Variants in KIAA0825 observed in about 807,000 individuals in gnomAD.
KIAA0825 encodes the protein uncharacterized protein KIAA0825.
KIAA0825 carries 119 observed loss-of-function variants against 147.6 expected under a neutral mutation model. The observed-to-expected ratio is 0.81, with a 90% confidence interval of 0.69 to 0.94. The LOEUF is 0.94. KIAA0825 is among the 40% of genes least tolerant of loss of function. The pLI, the probability that KIAA0825 is intolerant of heterozygous loss-of-function variation, is 0.00. For missense variants in KIAA0825, 1,381 were observed against 1,472.7 expected (o/e 0.94, Z 1.02); for synonymous variants, 470 against 518.1 (o/e 0.91, Z 1.26).
At chr5:94,253,172 A>T (rs2150123862) in intron 20 of KIAA0825, among the ~76,000 whole-genome samples, 1 of 152,264 alleles carries the variant, frequency 6.6e-6, no homozygotes, top group South Asian at 2.1e-4. Context: ...ATATAACTTT[A>T]TTCATTATTG....
At chr5:94,304,849 C>A (rs191455325) in intron 20 of KIAA0825, among the ~76,000 whole-genome samples, 1 of 152,100 alleles carries the variant, frequency 6.6e-6, no homozygotes, top group East Asian at 1.9e-4. Flanking sequence ...AAATATGGTT[C>A]ATAAACTCCT....
intron 2 of KIAA0825, among the ~76,000 whole-genome samples, chr5:94,561,073 G>A (rs912382380): frequency 6.6e-6 from 1 of 152,192 alleles, no homozygotes; most frequent in Non-Finnish European, 1.5e-5. Flanking sequence ...TTAACTTTCA[G>A]CTCCACTCCC....
intron 20 of KIAA0825, among the ~76,000 whole-genome samples, chr5:94,229,566 C>T (rs1343331384): frequency 7.1e-6 from 1 of 140,532 alleles, no homozygotes; most frequent in African/African-American, 2.6e-5. Context: ...TTTCTGTTCT[C>T]TTTTTTTTTG....
chr5:94,252,455 GTA>G (rs551298829), intron 20 of KIAA0825, among the ~76,000 whole-genome samples: 1 of 149,138 alleles, frequency 6.7e-6, no homozygotes, highest in African/African-American at 2.4e-5. Flanking sequence ...GTGTGGGTGT[GTA>G]TATATATATA....
chr5:94,338,847 C>T (rs2150319921), intron 20 of KIAA0825, among the ~76,000 whole-genome samples: 1 of 152,070 alleles, frequency 6.6e-6, no homozygotes, highest in African/African-American at 2.4e-5. Context: ...ATTTAAAAAT[C>T]CAATAGATTT....
chr5:94,556,056 CT>C (rs35657531), intron 2 of KIAA0825, among the ~76,000 whole-genome samples: 18,154 of 144,236 alleles, frequency 0.13, 1,376 homozygotes, highest in East Asian at 0.32. Flanking sequence ...ACATCAATTA[CT>C]TTTTTTTTTT....
chr5:94,520,666 A>G lies in KIAA0825; in HGVS notation c.552T>C (p.Asn184=), dbSNP rs1398289737. The part of the protein sequence containing the change: ...SKLQSHNEIN[N]SQQKILLKKQ... Reference sequence around the variant, plus strand: ...TTTTCAATAAAATTTTTTGCTGTGAATTGTTTATTTCATTATGGCTTTGTA... The same window carrying G: ...TTTTCAATAAAATTTTTTGCTGTGAGTTGTTTATTTCATTATGGCTTTGTA... Residue 184 remains asparagine, a synonymous_variant, in exon 5 of 21, where the codon AAT becomes AAC. Transcript: ENST00000682413. The G allele has an allele frequency of 1.2e-6, 2 of 1,613,258 alleles. No individual in the cohort carries two copies. The highest frequency in any genetic ancestry group is 2.2e-5 in the East Asian group (1 of 44,876).
At chr5:94,542,663 C>T (rs1467274912) in intron 2 of KIAA0825, among the ~76,000 whole-genome samples, 3 of 151,764 alleles carry the variant, frequency 2.0e-5, no homozygotes, top group Non-Finnish European at 2.9e-5. Context: ...AAAAATTAGC[C>T]GAGCATGATG....
At position 94,484,769 on chromosome 5, in the gene KIAA0825, C is replaced by G. The variant is rs980089697; in HGVS notation, c.1132G>C (p.Gly378Arg). The G allele has an allele frequency of 1.4e-6, 2 of 1,469,216 alleles. No individual in the cohort carries two copies. The highest frequency in any genetic ancestry group is 1.8e-6 in the Non-Finnish European group (2 of 1,094,518). The allele number at this position is 1,469,216 out of a possible 1,614,324, so 91.0% of individuals were successfully genotyped here. A position where few individuals can be genotyped will look rare whatever the true frequency, so the allele number is the denominator to read the frequency against. ...AAATTTAAACAAAAGAGGATATTAC[C>G]TGAAGTATCCCTGGTTATCTTGAGT... is the stretch of plus-strand genomic sequence containing the variant. ...LSLKITRDTS[G>R]ILEKSDREVV... is the part of the protein sequence containing the mutation. Residue 378 changes from glycine to arginine, a missense_variant and splice_region_variant, in exon 6 of 21, where the codon GGA becomes CGA. By Grantham distance (125) the Gly-to-Arg change is moderately radical (BLOSUM62 -2). Transcript: ENST00000682413.
intron 2 of KIAA0825, among the ~76,000 whole-genome samples, chr5:94,565,009 CCTCT>C (rs147820367): frequency 0.079 from 9,199 of 116,688 alleles, 416 homozygotes; most frequent in Non-Finnish European, 0.095. Context: ...TCTCTCTCTC[CCTCT>C]CTCTCTCTCT....
intron 1 of KIAA0825, among the ~76,000 whole-genome samples, chr5:94,585,903 T>C (rs955659962): frequency 6.6e-6 from 1 of 151,898 alleles, no homozygotes; most frequent in South Asian, 2.1e-4. Context: ...AAACCACAAA[T>C]CTACATGGAA....
chr5:94,589,022 G>A lies in KIAA0825; in HGVS notation c.-152-6439C>T, dbSNP rs147695499. ...ACATCACACACTGGGGCCTGTTGGC[G>A]GGTGGAGGGCTGGGGGAGGGATAGA... On this transcript the variant is annotated intron_variant, in intron 1 of 20. Transcript: ENST00000682413. Among the ~76,000 whole-genome samples, 6 of 152,272 alleles carry A rather than the reference G, an allele frequency of 3.9e-5. No homozygotes were observed. The South Asian group carries it at 6.2e-4, about 16-fold the overall frequency.
At chr5:94,535,535 T>C (rs1189482012) in intron 3 of KIAA0825, among the ~76,000 whole-genome samples, 1 of 146,844 alleles carries the variant, frequency 6.8e-6, no homozygotes, top group African/African-American at 2.5e-5. Flanking sequence ...TAATCATAAG[T>C]ACTTTTTCAT....
Position 94,470,054 on chromosome 5 carries a change from A to T in KIAA0825, c.1779T>A (p.Phe593Leu). ...RYQEFINTLQFQVTNYCVRVC... is the reference protein window; with the variant it reads ...RYQEFINTLQLQVTNYCVRVC... ...CTCTGACGCAGTAGTTCGTAACCTGAAACTGTAGAGTGTTGATGAATTCCT... is the reference window on the plus strand; with the variant it reads ...CTCTGACGCAGTAGTTCGTAACCTGTAACTGTAGAGTGTTGATGAATTCCT... Residue 593 changes from phenylalanine (F) to leucine (L), a missense_variant, in exon 10 of 21, where the codon TTT (phenylalanine) becomes TTA (leucine). Coordinates refer to ENST00000682413, the MANE Select transcript of KIAA0825 (RefSeq NM_001145678.3). The T allele has an allele frequency of 1.3e-6, 2 of 1,551,674 alleles. No homozygotes were observed. Among genetic ancestry groups the T allele is most frequent in the Non-Finnish European group, 1.7e-6 (2 of 1,146,960 alleles).
At chr5:94,588,316 A>T (rs1289060830) in intron 1 of KIAA0825, among the ~76,000 whole-genome samples, 1 of 152,202 alleles carries the variant, frequency 6.6e-6, no homozygotes, top group African/African-American at 2.4e-5. Context: ...TAATATCCAG[A>T]ATCTACAAAG....
chr5:94,301,130 T>C (rs544831431), intron 20 of KIAA0825, among the ~76,000 whole-genome samples: 1 of 152,092 alleles, frequency 6.6e-6, no homozygotes, highest in East Asian at 1.9e-4. Flanking sequence ...TTTTAGAAAT[T>C]TGAGATTGAG....
intron 20 of KIAA0825, among the ~76,000 whole-genome samples, chr5:94,170,127 G>A (rs766053391): frequency 1.1e-4 from 17 of 151,958 alleles, no homozygotes; most frequent in African/African-American, 2.2e-4. Flanking sequence ...GTGAAACCCC[G>A]TCTCTACTAA....
intron 5 of KIAA0825, among the ~76,000 whole-genome samples, chr5:94,492,149 T>A (rs1369608407): frequency 1.3e-5 from 2 of 152,194 alleles, no homozygotes; most frequent in Non-Finnish European, 2.9e-5. Flanking sequence ...CACCACCAAT[T>A]GTATCATATG....
chr5:94,585,087 T>C (rs1783019300), intron 1 of KIAA0825, among the ~76,000 whole-genome samples: 1 of 152,098 alleles, frequency 6.6e-6, no homozygotes, highest in South Asian at 2.1e-4. Flanking sequence ...TGCAAAAACA[T>C]GCCAAATTAT....
Sources: gnomAD v4.1 joint callset for allele counts (sites outside exome capture counted in the v4.1 genomes callset) on GRCh38, gnomAD v4.1.1 for gene constraint, MANE v1.5 for transcripts, NCBI Gene and HGNC (gene_info 2026-07-23, HGNC 2026-07-21) for gene names.